TRERF1: variants seen among roughly 807,000 people sequenced by gnomAD.
TRERF1 encodes transcriptional-regulating factor 1.
A neutral mutation model predicts 122.9 loss-of-function variants in TRERF1; 27 were observed. That is an observed-to-expected ratio of 0.22 (90% CI 0.16 to 0.30). The LOEUF (loss-of-function observed/expected upper bound fraction) is 0.30. TRERF1 is among the 10% of genes least tolerant of loss of function. TRERF1 has a pLI of 1.00. For synonymous variants in TRERF1, 636 were observed against 641.7 expected (o/e 0.99, Z 0.13); for missense variants, 1,248 against 1,560.3 (o/e 0.80, Z 3.37).
At chr6:42,442,895 G>C (rs1786779481) in intron 2 of TRERF1, among the ~76,000 whole-genome samples, 1 of 152,180 alleles carries the variant, frequency 6.6e-6, no homozygotes, top group South Asian at 2.1e-4. Flanking sequence ...CTGAACAGGT[G>C]ACTCTTAGTT....
intron 2 of TRERF1, among the ~76,000 whole-genome samples, chr6:42,374,792 G>A (rs979967316): frequency 6.6e-6 from 1 of 152,034 alleles, no homozygotes; most frequent in Non-Finnish European, 1.5e-5. Context: ...TGGATTGCCT[G>A]AGCTAAGGAG....
chr6:42,306,025 A>G (rs1156588219), intron 3 of TRERF1, among the ~76,000 whole-genome samples: 2 of 86,086 alleles, frequency 2.3e-5, no homozygotes, highest in African/African-American at 8.1e-5. Context: ...TTTTTGAGAC[A>G]GAGTCTTACT....
chr6:42,267,181 A>G (rs1184980184), intron 5 of TRERF1, among the ~76,000 whole-genome samples: 1 of 148,114 alleles, frequency 6.8e-6, no homozygotes, highest in Non-Finnish European at 1.5e-5. Flanking sequence ...CAAACCAAAG[A>G]AAGTGCTCAG....
At chr6:42,234,776 C>T (rs1469379167) in intron 16 of TRERF1, among the ~76,000 whole-genome samples, 1 of 152,160 alleles carries the variant, frequency 6.6e-6, no homozygotes, top group Non-Finnish European at 1.5e-5. Context: ...TAAAAAATAT[C>T]TTTTCCCTTA....
At chr6:42,242,260 G>T (rs1773892184) in intron 15 of TRERF1, among the ~76,000 whole-genome samples, 1 of 152,178 alleles carries the variant, frequency 6.6e-6, no homozygotes. Flanking sequence ...TGGATTAAAT[G>T]AGTCAATATT....
At position 42,382,748 on chromosome 6, in the gene TRERF1, T is replaced by C. The variant is rs554983504; in HGVS notation, c.-453-19669A>G. Among the ~76,000 whole-genome samples, 225 of 152,240 alleles carry C rather than the reference T, an allele frequency of 1.5e-3. 1 individual carries two copies. The highest frequency in any genetic ancestry group is 5.2e-3 in the African/African-American group (218 of 41,542). ...CCCCATTTTGCTTTACATCAGGGCT[T>C]TCATGTCTTGAACGTGGGATTTGGG... On this transcript the variant is annotated intron_variant, in intron 2 of 17. Coordinates refer to ENST00000372922, the Ensembl canonical transcript of TRERF1.
At chr6:42,273,095 C>T (rs1442695950) in intron 4 of TRERF1, among the ~76,000 whole-genome samples, 1 of 152,162 alleles carries the variant, frequency 6.6e-6, no homozygotes, top group East Asian at 1.9e-4. Flanking sequence ...TCAGCTCAAA[C>T]TACACATTCT....
At chr6:42,285,396 G>A (rs1447751537) in intron 4 of TRERF1, among the ~76,000 whole-genome samples, 1 of 152,012 alleles carries the variant, frequency 6.6e-6, no homozygotes, top group Non-Finnish European at 1.5e-5. Flanking sequence ...AGACAATGGG[G>A]TTTTCTAGAT....
At chr6:42,417,919 A>G (rs1044177555) in intron 2 of TRERF1, among the ~76,000 whole-genome samples, 3 of 152,362 alleles carry the variant, frequency 2.0e-5, no homozygotes, top group East Asian at 1.9e-4. Flanking sequence ...ACAAGTGACA[A>G]TGAACACACA....
chr6:42,304,692 C>T (rs1233805730), intron 3 of TRERF1, among the ~76,000 whole-genome samples: 2 of 152,166 alleles, frequency 1.3e-5, no homozygotes, highest in Non-Finnish European at 2.9e-5. Context: ...GCCCCTACCC[C>T]TTAGAAGTCA....
intron 3 of TRERF1, among the ~76,000 whole-genome samples, chr6:42,331,602 G>A (rs1765250478): frequency 6.6e-6 from 1 of 152,296 alleles, no homozygotes; most frequent in East Asian, 1.9e-4. Flanking sequence ...CAGAATGAAG[G>A]GCCACTGGGT....
chr6:42,385,354 T>G (rs1274767350), intron 2 of TRERF1, among the ~76,000 whole-genome samples: 5 of 152,172 alleles, frequency 3.3e-5, no homozygotes, highest in African/African-American at 1.2e-4. Flanking sequence ...CTTCTCTTCT[T>G]AACAGGGTTT....
intron 2 of TRERF1, among the ~76,000 whole-genome samples, chr6:42,372,863 C>G (rs371143819): frequency 3.3e-5 from 5 of 152,168 alleles, no homozygotes; most frequent in Admixed American, 3.3e-4. Flanking sequence ...GGCCCCACTA[C>G]GGAGGAATGA....
intron 2 of TRERF1, among the ~76,000 whole-genome samples, chr6:42,400,732 G>C (rs1244181057): frequency 6.6e-6 from 1 of 152,178 alleles, no homozygotes; most frequent in Non-Finnish European, 1.5e-5. Context: ...CAATAAAAAA[G>C]GAGGCAGGTG....
In TRERF1 at chr6:42,259,413, T is replaced by C. The variant is rs1451572203; in HGVS notation, c.2195A>G (p.His732Arg). 1.3e-6 allele frequency: 2 copies of C among 1,552,626 alleles called. No homozygotes were observed. Among genetic ancestry groups the C allele is most frequent in the Non-Finnish European group, 1.7e-6 (2 of 1,157,766 alleles). ...CAGCTGCGGGTGGGCGCCAGGGCCG[T>C]GGCCGGAGATGAGGACATTGCTGAA... Residue 732 changes from histidine to arginine, a missense_variant, in exon 9 of 18, where the codon CAC becomes CGC. This residue lies in a region of TRERF1 where 946 missense variants were observed against 1,073.0 expected (regional missense o/e 0.88). Coordinates refer to ENST00000372922, the Ensembl canonical transcript of TRERF1. The surrounding 1 kb of genome is among the most constrained non-coding windows in gnomAD (Gnocchi z 4.9).
intron 3 of TRERF1, among the ~76,000 whole-genome samples, chr6:42,345,095 A>G (rs1768014458): frequency 6.6e-6 from 1 of 152,232 alleles, no homozygotes; most frequent in Non-Finnish European, 1.5e-5. Context: ...AATTCTATAT[A>G]TAATGATTTC....
intron 17 of TRERF1, among the ~76,000 whole-genome samples, chr6:42,231,309 G>T (rs370126998): frequency 4.5e-4 from 69 of 152,124 alleles, no homozygotes; most frequent in Non-Finnish European, 7.5e-4. Flanking sequence ...AGAACTATAA[G>T]AAATAAATTT....
intron 14 of TRERF1, among the ~76,000 whole-genome samples, chr6:42,245,590 G>A (rs1457861242): frequency 6.6e-6 from 1 of 152,180 alleles, no homozygotes; most frequent in African/African-American, 2.4e-5. Flanking sequence ...CCATCTCTCA[G>A]CCAATAAAGT....
intron 13 of TRERF1, 126 bp downstream of exon 13, chr6:42,254,725 G>A: frequency 1.2e-6 from 1 of 842,160 alleles, no homozygotes; most frequent in Non-Finnish European, 2.0e-6. Context: ...GCCCTAGGAG[G>A]CCTTGAGATC....
Sources: allele counts gnomAD v4.1 joint callset (sites outside exome capture counted in the v4.1 genomes callset), GRCh38; gene constraint gnomAD v4.1.1; regional missense constraint gnomAD v4.1.1; non-coding constraint Gnocchi (gnomAD v3.1); transcripts MANE v1.5; gene names NCBI Gene and HGNC (gene_info 2026-07-23, HGNC 2026-07-21).